The following ZFAND4 variants were observed in gnomAD, a reference collection of about 807,000 sequenced individuals.
The protein encoded by ZFAND4 is AN1-type zinc finger protein 4.
ZFAND4 carries 43 observed loss-of-function variants against 64.4 expected under a neutral mutation model. The ratio of observed to expected loss-of-function variants is 0.67; its 90% CI spans 0.52 to 0.86. The LOEUF is 0.86. Ranked by LOEUF, ZFAND4 falls within the 40% of genes least tolerant of loss-of-function variation. The pLI is 0.00. For missense variants in ZFAND4, 929 were observed against 859.8 expected (o/e 1.08, Z -1.01); for synonymous variants, 296 against 305.7 (o/e 0.97, Z 0.33).
At position 45,663,527 on chromosome 10, in the gene ZFAND4, A is replaced by G; in HGVS notation, c.184+15T>C. ...ATTTAATTTTCATATCCTAAAAACA[A>G]AGAAAGATGAGTACCTTCCAATCTT... On this transcript the variant is annotated intron_variant, in intron 2 of 9. Transcript: ENST00000344646. The G allele has an allele frequency of 6.4e-7, 1 of 1,557,000 alleles. No individual in the cohort carries two copies. The highest frequency in any genetic ancestry group is 8.6e-7 in the Non-Finnish European group (1 of 1,157,194).
At position 45,639,870 on chromosome 10, in the gene ZFAND4, C is replaced by G. The variant is rs1236723632; in HGVS notation, c.663G>C (p.Met221Ile). ...TAGCCTTCAGCAGCTTCATCTTATT[C>G]ATAGTTATTGAATTTTCAATTATCT... ...GQQIIENSIT[M>I]NKMKLLKAKM... The change falls in exon 6 of 10, where the codon ATG becomes ATC. Residue 221 changes from methionine to isoleucine, a missense_variant. By Grantham distance (10) the Met-to-Ile change is conservative. Transcript: ENST00000344646. 2 of 1,613,300 alleles carry G rather than the reference C, an allele frequency of 1.2e-6. No individual in the cohort carries two copies. Among genetic ancestry groups the G allele is most frequent in the Admixed American group, 3.3e-5 (2 of 59,902 alleles).
chr10:45,663,546 C>G lies in ZFAND4; in HGVS notation c.180G>C (p.Leu60Phe), dbSNP rs1267058061. 6.3e-7 allele frequency: 1 copy of G among 1,589,094 alleles called. No individual in the cohort carries two copies. Among genetic ancestry groups the G allele is most frequent in the Non-Finnish European group, 8.5e-7 (1 of 1,172,468 alleles). The change falls in exon 2 of 10, where the codon TTG becomes TTC. Residue 60 changes from leucine to phenylalanine, a missense_variant. By Grantham distance (22) the Leu-to-Phe change is conservative. Coordinates refer to ENST00000344646, the MANE Select transcript of ZFAND4 (RefSeq NM_174890.4). ...VISVKAKIRR[L>F]EGIPICRQHL... ...AAAACAAAGAAAGATGAGTACCTTC[C>G]AATCTTCGAATTTTTGCTTTCACAG...
Position 45,616,168 on chromosome 10 carries a change from T to C in ZFAND4, c.*268A>G. The C allele has an allele frequency of 2.5e-6, 1 of 398,156 alleles. No individual in the cohort carries two copies. The highest frequency in any genetic ancestry group is 3.2e-5 in the South Asian group (1 of 31,690). The allele number at this position is 398,156 out of a possible 1,614,324, so 24.7% of individuals were successfully genotyped here. A position where few individuals can be genotyped will look rare whatever the true frequency, so the allele number is the denominator to read the frequency against. Reference sequence around the variant, plus strand: ...AGATTTGCCTAGTAAAACTGCAATATCATATACAAAACACTTAACACAAGA... The same window carrying C: ...AGATTTGCCTAGTAAAACTGCAATACCATATACAAAACACTTAACACAAGA... On this transcript the variant is annotated 3_prime_UTR_variant, in exon 10 of 10. Transcript: ENST00000344646.
Position 45,618,261 on chromosome 10 carries a change from C to T in ZFAND4, c.1928-1G>A, listed in dbSNP as rs759233924. 2.5e-6 allele frequency: 4 copies of T among 1,609,668 alleles called. No individual in the cohort carries two copies. The highest frequency in any genetic ancestry group is 2.2e-5 in the South Asian group (2 of 89,888). Reference sequence around the variant, plus strand: ...GGGAGGTGATGAGTAGTACATTCTCCTGTTTAGAGAAAGGACACCTTGATT... The same window carrying T: ...GGGAGGTGATGAGTAGTACATTCTCTTGTTTAGAGAAAGGACACCTTGATT... On this transcript the variant is annotated splice_acceptor_variant, in intron 8 of 9. Transcript: ENST00000344646. LOFTEE classifies it high-confidence loss of function.
rs3824617 is a variant in ZFAND4, at chr10:45,672,399, C to T, written c.-267G>A. The T allele has an allele frequency of 0.21, 32,133 of 152,310 alleles. 3,677 individuals are homozygous for T. The highest frequency in any genetic ancestry group is 0.34 in the South Asian group (1,666 of 4,830). The allele number at this position is 152,310 out of a possible 1,614,324, so 9.4% of individuals were successfully genotyped here. On this transcript the variant is annotated 5_prime_UTR_variant, in exon 1 of 10. Transcript: ENST00000344646. Reference sequence around the variant, plus strand: ...GCACCCGTCGGGAAAGCCGCGTACCCGTTGAAGCTGGCGTCACGCCCAAAG... The same window carrying T: ...GCACCCGTCGGGAAAGCCGCGTACCTGTTGAAGCTGGCGTCACGCCCAAAG...
intron 6 of ZFAND4, among the ~76,000 whole-genome samples, chr10:45,637,918 T>C (rs1220837446): frequency 1.3e-5 from 2 of 152,118 alleles, no homozygotes; most frequent in East Asian, 3.8e-4. Context: ...TATATAAAGA[T>C]GCCTAGAAAT....
chr10:45,617,347 G>A (rs768974960), intron 9 of ZFAND4, among the ~76,000 whole-genome samples: 28 of 152,100 alleles, frequency 1.8e-4, no homozygotes, highest in Non-Finnish European at 3.5e-4. Context: ...GGATTGGGAT[G>A]GGTGTGGTGG....
intron 9 of ZFAND4, 96 bp from the exon 10 acceptor site, chr10:45,616,667 G>T: frequency 7.6e-7 from 1 of 1,308,968 alleles, no homozygotes; most frequent in Non-Finnish European, 1.1e-6. Flanking sequence ...GTCCAACAGG[G>T]GCCCTTTGGT....
chr10:45,671,000 G>A (rs181675854), intron 1 of ZFAND4, among the ~76,000 whole-genome samples: 44 of 151,752 alleles, frequency 2.9e-4, no homozygotes, highest in Non-Finnish European at 1.3e-4. Flanking sequence ...AAAAACAACC[G>A]CATCAAAAAG....
At chr10:45,648,003 T>C (rs184798654) in intron 5 of ZFAND4, among the ~76,000 whole-genome samples, 3 of 152,298 alleles carry the variant, frequency 2.0e-5, no homozygotes, top group Admixed American at 2.0e-4. Flanking sequence ...GAAAAAAAGG[T>C]ATCAACTTTA....
chr10:45,631,258 A>G (rs899753264), intron 6 of ZFAND4, among the ~76,000 whole-genome samples: 6 of 149,508 alleles, frequency 4.0e-5, no homozygotes, highest in Non-Finnish European at 8.9e-5. Context: ...CGGAGCTTGC[A>G]GTGCGCCGAG....
At chr10:45,623,395 A>C (rs2045571017) in intron 8 of ZFAND4, among the ~76,000 whole-genome samples, 1 of 152,242 alleles carries the variant, frequency 6.6e-6, no homozygotes, top group African/African-American at 2.4e-5. Context: ...TGAATGGATA[A>C]GCAAAATATG....
intron 7 of ZFAND4, among the ~76,000 whole-genome samples, chr10:45,625,319 A>G (rs2045724644): frequency 6.7e-6 from 1 of 149,228 alleles, no homozygotes; most frequent in African/African-American, 2.5e-5. Flanking sequence ...AAAAATACAA[A>G]AAAAATTAGC....
At chr10:45,631,012 A>G (rs1183828772) in intron 6 of ZFAND4, among the ~76,000 whole-genome samples, 1 of 151,346 alleles carries the variant, frequency 6.6e-6, no homozygotes, top group East Asian at 2.0e-4. Context: ...CGATGTTCTA[A>G]CTTATGTATA....
chr10:45,621,560 G>T (rs1315320123), intron 8 of ZFAND4, among the ~76,000 whole-genome samples: 1 of 152,032 alleles, frequency 6.6e-6, no homozygotes, highest in Non-Finnish European at 1.5e-5. Context: ...GGCTAACACA[G>T]TGAAACCCCG....
intron 4 of ZFAND4, chr10:45,651,131 G>A (rs909243984): frequency 6.5e-6 from 1 of 152,922 alleles, no homozygotes; most frequent in Non-Finnish European, 1.5e-5. Flanking sequence ...AAATCTGAAG[G>A]ACTTCCTCAA....
chr10:45,629,443 G>T (rs571284272), intron 6 of ZFAND4, among the ~76,000 whole-genome samples: 2 of 152,240 alleles, frequency 1.3e-5, no homozygotes, highest in Admixed American at 1.3e-4. Flanking sequence ...AAAGGAAAAG[G>T]CAACCATTGA....
At chr10:45,620,047 A>G (rs928057696) in intron 8 of ZFAND4, among the ~76,000 whole-genome samples, 10 of 152,246 alleles carry the variant, frequency 6.6e-5, no homozygotes, top group African/African-American at 2.2e-4. Flanking sequence ...ACCATCTTTA[A>G]AATTCAGGCT....
At chr10:45,627,243 T>C (rs773254127) in intron 6 of ZFAND4, 138 bp from the exon 7 acceptor site, 27 of 629,408 alleles carry the variant, frequency 4.3e-5, no homozygotes, top group Non-Finnish European at 5.9e-5. Flanking sequence ...TTAAGAAGAA[T>C]AAAATCTTAA....
Sources: allele counts gnomAD v4.1 joint callset (sites outside exome capture counted in the v4.1 genomes callset), GRCh38; gene constraint gnomAD v4.1.1; transcripts MANE v1.5; gene names NCBI Gene and HGNC (gene_info 2026-07-23, HGNC 2026-07-21).